Variants in CLK2 observed in about 807,000 individuals in gnomAD.
CLK2 encodes CDC like kinase 2, also known as dual specificity protein kinase CLK2.
A neutral mutation model predicts 73.5 loss-of-function variants in CLK2; 12 were observed. The observed-to-expected ratio is 0.16, with a 90% CI of 0.10 to 0.26. The LOEUF (loss-of-function observed/expected upper bound fraction) is 0.26. Ranked by LOEUF, CLK2 falls within the 10% of genes least tolerant of loss-of-function variation. CLK2 has a pLI of 1.00. For missense variants in CLK2, 509 were observed against 688.4 expected, an observed-to-expected ratio of 0.74 and a Z score of 2.92; for synonymous variants, 232 against 237.9, an observed-to-expected ratio of 0.98 and a Z score of 0.23.
chr1:155,263,298 G>A lies in CLK2; in HGVS notation c.1420C>T (p.Leu474Phe). ...AGGCGGGCGAAGAAAGGATGCTGAA[G>A]GGCTTCACCCAAGGTCAGCCGCTTA... ...PAKRLTLGEA[L>F]QHPFFARLRA... Residue 474 changes from leucine (L) to phenylalanine (F), a missense_variant, in exon 13 of 13, where the codon CTT (leucine) becomes TTT (phenylalanine). Around this residue, in one of 6 missense-constraint regions of CLK2, gnomAD observed 134 missense variants for 146.0 expected, o/e 0.92. Transcript: ENST00000368361. 2.5e-6 allele frequency: 4 copies of A among 1,614,192 alleles called. No individual in the cohort carries two copies. Among genetic ancestry groups the A allele is most frequent in the Non-Finnish European group, 2.5e-6 (3 of 1,180,046 alleles).
rs766684698 is a variant in CLK2, at chr1:155,268,812, G to A, written c.400-17C>T. 2 of 1,603,574 alleles carry A rather than the reference G, an allele frequency of 1.2e-6. No homozygotes were observed. Among genetic ancestry groups the A allele is most frequent in the East Asian group, 2.2e-5 (1 of 44,800 alleles). ...GCTGTGCTGCTGTCGGGGGGCAGGG[G>A]GGGTCGGAGCAAGCCAGGTGTCGGA... On this transcript the variant is annotated splice_polypyrimidine_tract_variant and intron_variant, in intron 3 of 12. Coordinates refer to ENST00000368361, the MANE Select transcript of CLK2 (RefSeq NM_001294338.2). The surrounding 1 kb of genome is among the most constrained non-coding windows in gnomAD (Gnocchi z 5.6).
At chr1:155,266,132 C>G (rs1673221726) in intron 7 of CLK2, among the ~76,000 whole-genome samples, 178 bp from the exon 8 acceptor site, 5 of 151,284 alleles carry the variant, frequency 3.3e-5, no homozygotes, top group African/African-American at 1.2e-4. Context: ...TCTGCTCTTT[C>G]TAATGTAAGA....
chr1:155,269,843 G>C (rs1461607012), intron 2 of CLK2, 127 bp from the exon 3 acceptor site: 2 of 791,540 alleles, frequency 2.5e-6, no homozygotes, highest in Non-Finnish European at 2.1e-6. Flanking sequence ...GACACTTGTT[G>C]AGTCACTGAG....
At position 155,266,134 on chromosome 1, in the gene CLK2, A is replaced by C. The variant is rs6696982; in HGVS notation, c.839-180T>G. 7.2e-5 allele frequency among the ~76,000 whole-genome samples: 11 copies of C among 151,770 alleles called. No individual in the cohort carries two copies. The Admixed American group carries it at 7.3e-4, about 10-fold the overall frequency. On this transcript the variant is annotated intron_variant, in intron 7 of 12. Coordinates refer to ENST00000368361, the MANE Select transcript of CLK2 (RefSeq NM_001294338.2). ...TGGTCTAAGAAGCTCTGCTCTTTCT[A>C]ATGTAAGATACATATGTAGCTCAAC...
At chr1:155,267,980 G>T in intron 6 of CLK2, 30 bp downstream of exon 6, 1 of 1,525,108 alleles carries the variant, frequency 6.6e-7, no homozygotes, top group South Asian at 1.1e-5. Context: ...GGGGCTCTCA[G>T]CCTCCCTACA....
At position 155,267,842 on chromosome 1, in the gene CLK2, G is replaced by C. The variant is rs535575036; in HGVS notation, c.671+168C>G. Reference sequence around the variant, plus strand: ...GGGAGTGGATTAAGGAATGTCATGGGCCCCCCCCCTTTCCTACCCTGATGT... The same window carrying C: ...GGGAGTGGATTAAGGAATGTCATGGCCCCCCCCCCTTTCCTACCCTGATGT... On this transcript the variant is annotated intron_variant, in intron 6 of 12. Coordinates refer to ENST00000368361, the MANE Select transcript of CLK2 (RefSeq NM_001294338.2). 2.9e-4 allele frequency among the ~76,000 whole-genome samples: 43 copies of C among 150,804 alleles called. No homozygotes were observed. In the South Asian group the frequency reaches 4.8e-3, roughly 17 times the overall value.
Position 155,269,500 on chromosome 1 carries a change from G to A in CLK2, c.387C>T (p.Ser129=). The A allele has an allele frequency of 1.9e-6, 3 of 1,613,766 alleles. No homozygotes were observed. The highest frequency in any genetic ancestry group is 2.5e-6 in the Non-Finnish European group (3 of 1,180,016). ...GGCTGGCACTCACCGAAGATGAGCG[G>A]CTAAATGTCCGGCTGCGCCTCCTCC... ...RRRRRRSRTF[S]RSSSQHSSRR... Residue 129 remains serine, a synonymous_variant, in exon 3 of 13, where the codon AGC becomes AGT. Transcript: ENST00000368361.
At chr1:155,267,014 G>T in intron 6 of CLK2, 119 bp from the exon 7 acceptor site, 1 of 1,143,098 alleles carries the variant, frequency 8.7e-7, no homozygotes, top group Non-Finnish European at 1.2e-6. Context: ...AACCATGCCA[G>T]CTAGTACTAA....
Position 155,262,925 on chromosome 1 carries a change from A to G in CLK2, c.*293T>C. 2.9e-6 allele frequency: 1 copy of G among 347,402 alleles called. No homozygotes were observed. The highest frequency in any genetic ancestry group is 5.2e-6 in the Non-Finnish European group (1 of 192,052). 21.5% of individuals were successfully genotyped at this position (347,402 alleles called of 1,614,324 possible). On this transcript the variant is annotated 3_prime_UTR_variant, in exon 13 of 13. Coordinates refer to ENST00000368361, the MANE Select transcript of CLK2 (RefSeq NM_001294338.2). Reference sequence around the variant, plus strand: ...ACAAAGACTGTACAAAATTCCTTATAAAACATGGGGTAGATGCCACCTGGT... The same window carrying G: ...ACAAAGACTGTACAAAATTCCTTATGAAACATGGGGTAGATGCCACCTGGT...
rs1673358535 is a variant in CLK2 at position 155,268,913 on chromosome 1, A to G, written c.400-118T>C. ...GGCGCCCAGCCAGGGGGGACAGACG[A>G]TGATGGGGGACAGTGGAAGGGAACA... On this transcript the variant is annotated intron_variant, in intron 3 of 12. Coordinates refer to ENST00000368361, the MANE Select transcript of CLK2 (RefSeq NM_001294338.2). The surrounding 1 kb of genome is among the most constrained non-coding windows in gnomAD (Gnocchi z 5.6). 2 of 683,334 alleles carry G rather than the reference A, an allele frequency of 2.9e-6. No individual in the cohort carries two copies. Among genetic ancestry groups the G allele is most frequent in the African/African-American group, 3.5e-5 (2 of 56,990 alleles). The allele number at this position is 683,334 out of a possible 1,614,324, so 42.3% of individuals were successfully genotyped here.
chr1:155,272,517 G>T (rs1040629944), intron 1 of CLK2, among the ~76,000 whole-genome samples: 1 of 152,042 alleles, frequency 6.6e-6, no homozygotes, highest in African/African-American at 2.4e-5. Flanking sequence ...TCTTGGTGGG[G>T]GTGTATGAGA....
chr1:155,266,597 G>T (rs1572015125), intron 7 of CLK2, 132 bp downstream of exon 7: 1 of 964,172 alleles, frequency 1.0e-6, no homozygotes, highest in East Asian at 2.9e-5. Flanking sequence ...GACGTTTCAA[G>T]ATGACAGTAA....
chr1:155,263,438 C>A, intron 12 of CLK2, 38 bp from the exon 13 acceptor site: 9 of 1,607,910 alleles, frequency 5.6e-6, no homozygotes, highest in Non-Finnish European at 7.7e-6. Context: ...AGGCAGGATG[C>A]CTTACAAACC....
chr1:155,264,779 G>A lies in CLK2; in HGVS notation c.934-5C>T. ...CACACTGCGCTCATCTCGCTTCTAG[G>A]AGCAGAGGAGAAAGAGGATGAACCT... On this transcript the variant is annotated splice_polypyrimidine_tract_variant and splice_region_variant and intron_variant, in intron 8 of 12. Coordinates refer to ENST00000368361, the MANE Select transcript of CLK2 (RefSeq NM_001294338.2). 1 of 1,613,948 alleles carries A rather than the reference G, an allele frequency of 6.2e-7. No individual in the cohort carries two copies. The highest frequency in any genetic ancestry group is 8.5e-7 in the Non-Finnish European group (1 of 1,179,860).
Position 155,263,130 on chromosome 1 carries a change from G to T in CLK2, c.*88C>A. 7.7e-7 allele frequency: 1 copy of T among 1,301,010 alleles called. No homozygotes were observed. The highest frequency in any genetic ancestry group is 1.0e-6 in the Non-Finnish European group (1 of 961,136). The allele number at this position is 1,301,010 out of a possible 1,614,324, so 80.6% of individuals were successfully genotyped here. A position where few individuals can be genotyped will look rare whatever the true frequency, so the allele number is the denominator to read the frequency against. ...GAGCCAGGAGGAAGGAGTGAACTCT[G>T]GCTCGTTCTCTTGTATAAAAAAGCA... is the stretch of plus-strand genomic sequence containing the variant. On this transcript the variant is annotated 3_prime_UTR_variant, in exon 13 of 13. Coordinates refer to ENST00000368361, the MANE Select transcript of CLK2 (RefSeq NM_001294338.2).
chr1:155,266,978 G>T, intron 6 of CLK2, 83 bp from the exon 7 acceptor site: 1 of 1,466,036 alleles, frequency 6.8e-7, no homozygotes, highest in Non-Finnish European at 9.3e-7. Context: ...GTACTTCATA[G>T]CTGTTGATTC....
At position 155,268,224 on chromosome 1, in the gene CLK2, A is replaced by C; in HGVS notation, c.554+69T>G. 1 of 1,562,824 alleles carries C rather than the reference A, an allele frequency of 6.4e-7. No individual in the cohort carries two copies. Among genetic ancestry groups the C allele is most frequent in the South Asian group, 1.1e-5 (1 of 90,040 alleles). On this transcript the variant is annotated intron_variant, in intron 5 of 12. Coordinates refer to ENST00000368361, the MANE Select transcript of CLK2 (RefSeq NM_001294338.2). The surrounding 1 kb of genome is among the most constrained non-coding windows in gnomAD (Gnocchi z 5.6). ...TAAGAAATTCTACCTCAGGTTAATT[A>C]GCAAAAAAGCCCCATATAACCCCAA...
chr1:155,269,298 C>T (rs1217580729), intron 3 of CLK2, 190 bp downstream of exon 3: 1 of 615,748 alleles, frequency 1.6e-6, no homozygotes. Flanking sequence ...TGCTCCGTGC[C>T]CATCCATCTC....
At position 155,271,675 on chromosome 1, in the gene CLK2, G is replaced by A. The variant is rs546800393; in HGVS notation, c.1-698C>T. The stretch of plus-strand genomic sequence containing the variant: ...CAGGATCTAAGATATAGATCTGTGT[G>A]ATGCTGAGTTCCTCACAAGTCAATA... On this transcript the variant is annotated intron_variant, in intron 1 of 12. Coordinates refer to ENST00000368361, the MANE Select transcript of CLK2 (RefSeq NM_001294338.2). Among the ~76,000 whole-genome samples the A allele has an allele frequency of 2.0e-5, 3 of 152,330 alleles. No individual in the cohort carries two copies. In the East Asian group the frequency reaches 5.8e-4, roughly 29 times the overall value.
Sources: gnomAD v4.1 joint callset for allele counts (sites outside exome capture counted in the v4.1 genomes callset) on GRCh38, gnomAD v4.1.1 for gene constraint, gnomAD v4.1.1 regional missense constraint, Gnocchi (gnomAD v3.1) non-coding constraint, MANE v1.5 for transcripts, NCBI Gene and HGNC (gene_info 2026-07-23, HGNC 2026-07-21) for gene names.